CCDC73: variants seen among roughly 807,000 people sequenced by gnomAD.
CCDC73 encodes coiled-coil domain-containing protein 73.
A neutral mutation model predicts 116.5 loss-of-function variants in CCDC73; 95 were observed. The ratio of observed to expected loss-of-function variants is 0.82; its 90% CI spans 0.69 to 0.97. The LOEUF is 0.97. Ranked by LOEUF, CCDC73 falls within the 50% of genes least tolerant of loss-of-function variation. The pLI is 0.00. For synonymous variants in CCDC73, 398 were observed against 401.3 expected (o/e 0.99, Z 0.10); for missense variants, 1,066 against 1,206.8 (o/e 0.88, Z 1.73).
chr11:32,745,236 G>A (rs777371214), intron 2 of CCDC73, among the ~76,000 whole-genome samples: 53 of 152,300 alleles, frequency 3.5e-4, no homozygotes, highest in Admixed American at 8.5e-4. Context: ...TCTTAATCCT[G>A]AGTTCTAATT....
chr11:32,752,190 G>A (rs140535306), intron 2 of CCDC73, among the ~76,000 whole-genome samples: 308 of 152,264 alleles, frequency 2.0e-3, no homozygotes, highest in African/African-American at 7.0e-3. Flanking sequence ...CTAATATTTC[G>A]TTGGCCAAGA....
chr11:32,680,109 T>A (rs1048885205), intron 7 of CCDC73: 1 of 152,216 alleles, frequency 6.6e-6, no homozygotes, highest in African/African-American at 2.4e-5. Context: ...ACTACCCTGA[T>A]TTAGTTTTGA....
intron 1 of CCDC73, among the ~76,000 whole-genome samples, chr11:32,788,024 T>C (rs1404734768): frequency 6.6e-6 from 1 of 152,208 alleles, no homozygotes; most frequent in African/African-American, 2.4e-5. Flanking sequence ...TCAGATTCTA[T>C]CTTGTAGTAG....
intron 9 of CCDC73, among the ~76,000 whole-genome samples, chr11:32,660,645 T>G (rs1590575647): frequency 6.6e-6 from 1 of 151,886 alleles, no homozygotes; most frequent in Non-Finnish European, 1.5e-5. Flanking sequence ...GGCAACATAG[T>G]GAGACCCCAT....
rs1850241222 is a variant in CCDC73 at position 32,746,536 on chromosome 11, C to T, written c.135+13573G>A. Among the ~76,000 whole-genome samples, 2 of 152,152 alleles carry T rather than the reference C, an allele frequency of 1.3e-5. 1 individual carries two copies. The highest frequency in any genetic ancestry group is 4.1e-4 in the South Asian group (2 of 4,822). On this transcript the variant is annotated intron_variant, in intron 2 of 17. Coordinates refer to ENST00000335185, the MANE Select transcript of CCDC73 (RefSeq NM_001008391.4). ...TGAAGAGTGTTTTCTAACTTGTTTC[C>T]ATTCTTCCTGTCACTTTCAGGTACA...
intron 14 of CCDC73, among the ~76,000 whole-genome samples, chr11:32,620,604 C>G (rs1372528234): frequency 1.2e-5 from 1 of 84,252 alleles, no homozygotes. Flanking sequence ...GAGCGAGACT[C>G]AGTCTCAAAA....
intron 17 of CCDC73, among the ~76,000 whole-genome samples, chr11:32,610,216 C>T (rs1271229122): frequency 6.6e-6 from 1 of 152,040 alleles, no homozygotes; most frequent in African/African-American, 2.4e-5. Context: ...AGGAAAGACC[C>T]GCCCCCATGA....
At chr11:32,778,215 C>T (rs545049393) in intron 1 of CCDC73, among the ~76,000 whole-genome samples, 1 of 152,160 alleles carries the variant, frequency 6.6e-6, no homozygotes, top group Non-Finnish European at 1.5e-5. Context: ...ATTCTCAAAC[C>T]TTTCTCTGAT....
chr11:32,808,755 A>G, the CCDC73 span, among the ~76,000 whole-genome samples: 1 of 152,280 alleles, frequency 6.6e-6, no homozygotes, highest in South Asian at 2.1e-4. Flanking sequence ...TATCTAAGAA[A>G]CAAACTTTTA....
At chr11:32,737,966 CTTAT>C (rs1456352037) in intron 2 of CCDC73, among the ~76,000 whole-genome samples, 1 of 152,128 alleles carries the variant, frequency 6.6e-6, no homozygotes, top group Admixed American at 6.6e-5. Context: ...CTGTGCCTGG[CTTAT>C]TTCACTTAAC....
At chr11:32,815,790 T>C in the CCDC73 span, among the ~76,000 whole-genome samples, 4 of 152,168 alleles carry the variant, frequency 2.6e-5, no homozygotes, top group Admixed American at 2.6e-4. Context: ...GAACATTTTT[T>C]CCAGACTCAT....
chr11:32,733,255 C>T (rs1229903474), intron 2 of CCDC73, among the ~76,000 whole-genome samples: 3 of 152,092 alleles, frequency 2.0e-5, no homozygotes, highest in Non-Finnish European at 4.4e-5. Context: ...TCAGGAGCAC[C>T]CAGTTTCATA....
chr11:32,748,345 T>C (rs10835966), intron 2 of CCDC73, among the ~76,000 whole-genome samples: 89,627 of 151,922 alleles, frequency 0.59, 26,747 homozygotes, highest in East Asian at 0.84. Flanking sequence ...AATACTATCT[T>C]TAACCCATTA....
chr11:32,692,473 A>T (rs1444328602), intron 6 of CCDC73, among the ~76,000 whole-genome samples: 1 of 152,062 alleles, frequency 6.6e-6, no homozygotes, highest in Non-Finnish European at 1.5e-5. Flanking sequence ...TATATTAAAT[A>T]TCGCTTTGGT....
the CCDC73 span, among the ~76,000 whole-genome samples, chr11:32,811,191 C>T: frequency 2.0e-5 from 3 of 152,156 alleles, no homozygotes; most frequent in East Asian, 5.8e-4. Context: ...ATTGGAGCCT[C>T]TTCTTTATCT....
intron 1 of CCDC73, among the ~76,000 whole-genome samples, chr11:32,775,314 T>TAAA (rs1565098859): frequency 3.9e-5 from 6 of 152,220 alleles, no homozygotes; most frequent in African/African-American, 1.4e-4. Flanking sequence ...CTGTCTGGAA[T>TAAA]GCTCTATATC....
chr11:32,809,474 G>C, the CCDC73 span, among the ~76,000 whole-genome samples: 1 of 152,210 alleles, frequency 6.6e-6, no homozygotes, highest in South Asian at 2.1e-4. Flanking sequence ...AGCATTACAA[G>C]TAATTCCTAA....
chr11:32,728,555 GGTGTCA>G (rs1024811897), intron 2 of CCDC73, among the ~76,000 whole-genome samples: 2 of 151,794 alleles, frequency 1.3e-5, no homozygotes, highest in Non-Finnish European at 2.9e-5. Flanking sequence ...CCAAGATCTG[GGTGTCA>G]GTTCTTCTAG....
rs1181104991 is a variant in CCDC73, at chr11:32,755,855, G to GTATATATATCTTCATATATATATCTA, written c.135+4253_135+4254insTAGATATATATATGAAGATATATATA. Among the ~76,000 whole-genome samples the GTATATATATCTTCATATATATATCTA allele has an allele frequency of 8.0e-4, 102 of 128,228 alleles. 39 individuals carry two copies. The highest frequency in any genetic ancestry group is 2.8e-3 in the African/African-American group (96 of 34,240). The allele number at this position is 128,228 out of a possible 152,430, so 84.1% of individuals were successfully genotyped here. ...TGTATATATCTCCATATATATGTGT[G>GTATATATATCTTCATATATATATCTA]TGTATATATCTCCATATATATATCT... On this transcript the variant is annotated intron_variant, in intron 2 of 17. Coordinates refer to ENST00000335185, the MANE Select transcript of CCDC73 (RefSeq NM_001008391.4).
Sources: gnomAD v4.1 joint callset for allele counts (sites outside exome capture counted in the v4.1 genomes callset) on GRCh38, gnomAD v4.1.1 for gene constraint, MANE v1.5 for transcripts, NCBI Gene and HGNC (gene_info 2026-07-23, HGNC 2026-07-21) for gene names.